Variants in EXOC4 observed in about 807,000 individuals in gnomAD.
The protein encoded by EXOC4 is exocyst complex component 4, also known as SEC8-like 1.
Under a neutral mutation model 107.2 loss-of-function variants are expected in EXOC4, and 71 were observed. The ratio of observed to expected loss-of-function variants is 0.66; its 90% CI spans 0.55 to 0.81. EXOC4 has a LOEUF of 0.81. Among genes scored for constraint, EXOC4 ranks in the 30% least tolerant of loss-of-function variants. The pLI is 0.00. For synonymous variants in EXOC4, 456 were observed against 441.2 expected, an observed-to-expected ratio of 1.03 and a Z score of -0.42; for missense variants, 1,108 against 1,189.6, an observed-to-expected ratio of 0.93 and a Z score of 1.01.
chr7:134,008,819 C>T (rs1481596178), intron 17 of EXOC4, among the ~76,000 whole-genome samples: 1 of 151,740 alleles, frequency 6.6e-6, no homozygotes, highest in East Asian at 1.9e-4. Flanking sequence ...TTTATAGAGA[C>T]AGGGTCTCAC....
intron 7 of EXOC4, among the ~76,000 whole-genome samples, chr7:133,419,609 G>A (rs1797556024): frequency 2.0e-5 from 3 of 152,122 alleles, no homozygotes; most frequent in South Asian, 2.1e-4. Context: ...TGGTTTTTGT[G>A]TTTTAAGGGG....
intron 14 of EXOC4, among the ~76,000 whole-genome samples, chr7:133,939,342 A>G (rs757611622): frequency 3.9e-5 from 6 of 152,094 alleles, no homozygotes; most frequent in Non-Finnish European, 7.3e-5. Flanking sequence ...CTAAGAGTCT[A>G]AGGAACCCCT....
chr7:133,520,842 A>G (rs1182663534), intron 9 of EXOC4, among the ~76,000 whole-genome samples: 2 of 151,970 alleles, frequency 1.3e-5, no homozygotes, highest in Non-Finnish European at 2.9e-5. Flanking sequence ...TCAGTAAAAG[A>G]GTGAAGTTTT....
At chr7:133,751,011 G>A (rs1299016564) in intron 10 of EXOC4, among the ~76,000 whole-genome samples, 1 of 152,222 alleles carries the variant, frequency 6.6e-6, no homozygotes, top group Non-Finnish European at 1.5e-5. Context: ...GTGTTAGTGT[G>A]GAGAAGGACC....
intron 9 of EXOC4, among the ~76,000 whole-genome samples, chr7:133,563,368 A>C (rs561855589): frequency 6.6e-6 from 1 of 152,338 alleles, no homozygotes; most frequent in African/African-American, 2.4e-5. Flanking sequence ...TAAAGCATTG[A>C]CTTTAATTGC....
intron 17 of EXOC4, among the ~76,000 whole-genome samples, chr7:134,031,522 A>G (rs1233960279): frequency 6.6e-6 from 1 of 152,118 alleles, no homozygotes; most frequent in Non-Finnish European, 1.5e-5. Flanking sequence ...TGTTATTAAG[A>G]GTTGATTGTG....
chr7:133,989,100 A>G (rs1364639520), intron 14 of EXOC4, among the ~76,000 whole-genome samples: 2 of 152,210 alleles, frequency 1.3e-5, no homozygotes, highest in African/African-American at 4.8e-5. Context: ...AGTAGATAAC[A>G]GAAAAGAAAA....
chr7:133,475,811 C>T (rs1798997216), intron 8 of EXOC4, among the ~76,000 whole-genome samples: 1 of 152,072 alleles, frequency 6.6e-6, no homozygotes, highest in Admixed American at 6.5e-5. Context: ...CTTGAAAAGG[C>T]CCCAAGAGCC....
intron 11 of EXOC4, among the ~76,000 whole-genome samples, chr7:133,826,932 C>T (rs1438409118): frequency 2.0e-5 from 3 of 152,126 alleles, no homozygotes. Flanking sequence ...ATAACCAAAC[C>T]TGGTCATTTT....
chr7:134,022,285 G>A (rs542569695), intron 17 of EXOC4, among the ~76,000 whole-genome samples: 1 of 152,196 alleles, frequency 6.6e-6, no homozygotes, highest in Admixed American at 6.5e-5. Flanking sequence ...AGTTCTCCAG[G>A]GATATAGGTA....
intron 9 of EXOC4, among the ~76,000 whole-genome samples, chr7:133,535,982 T>A (rs1800262774): frequency 6.6e-6 from 1 of 152,236 alleles, no homozygotes; most frequent in Admixed American, 6.5e-5. Context: ...AAACTTTGCT[T>A]CTATTCTGAG....
rs537470766 is a variant in EXOC4 at position 133,635,548 on chromosome 7, C to CT, written c.1514+5414dup. Reference sequence around the variant, plus strand: ...TATCATTCAGAAAATACTCTAATGCCTTTTTTTCTTCCTGGACCAATAAGG... The same window carrying CT: ...TATCATTCAGAAAATACTCTAATGCCTTTTTTTTCTTCCTGGACCAATAAGG... On this transcript the variant is annotated intron_variant, in intron 10 of 17. Transcript: ENST00000253861. 4.5e-3 allele frequency among the ~76,000 whole-genome samples: 683 copies of CT among 152,222 alleles called. 4 individuals carry two copies. The highest frequency in any genetic ancestry group is 9.7e-3 in the Admixed American group (148 of 15,294).
At chr7:133,336,154 T>C (rs1795506626) in intron 5 of EXOC4, among the ~76,000 whole-genome samples, 1 of 152,254 alleles carries the variant, frequency 6.6e-6, no homozygotes, top group Non-Finnish European at 1.5e-5. Flanking sequence ...CTTTTAGCTC[T>C]GTTGACTATG....
At chr7:133,596,184 T>A (rs904909982) in intron 9 of EXOC4, among the ~76,000 whole-genome samples, 1 of 152,238 alleles carries the variant, frequency 6.6e-6, no homozygotes, top group Non-Finnish European at 1.5e-5. Flanking sequence ...ATTTCTTTGT[T>A]GCTATTTAGT....
At chr7:133,854,408 GCACACACACA>G (rs56849407) in intron 11 of EXOC4, among the ~76,000 whole-genome samples, 141 of 139,570 alleles carry the variant, frequency 1.0e-3, no homozygotes, top group African/African-American at 3.0e-3. Context: ...TGTTGAAAGA[GCACACACACA>G]CACACACACA....
chr7:133,702,751 G>A (rs145888507), intron 10 of EXOC4, among the ~76,000 whole-genome samples: 15 of 152,228 alleles, frequency 9.9e-5, no homozygotes, highest in Admixed American at 2.6e-4. Flanking sequence ...AGAGTCATCC[G>A]TGGCTCCATA....
chr7:133,710,651 C>T (rs1359684581), intron 10 of EXOC4, among the ~76,000 whole-genome samples: 3 of 136,678 alleles, frequency 2.2e-5, no homozygotes, highest in African/African-American at 5.6e-5. Flanking sequence ...CAGAGTGAGA[C>T]TCTGTCTCAG....
chr7:133,848,637 A>C (rs1359429228), intron 11 of EXOC4, among the ~76,000 whole-genome samples: 5 of 152,144 alleles, frequency 3.3e-5, no homozygotes. Context: ...TTCCCCCTCT[A>C]CCTGAAATAT....
intron 10 of EXOC4, among the ~76,000 whole-genome samples, chr7:133,758,077 T>C (rs1045451518): frequency 2.6e-5 from 4 of 152,154 alleles, no homozygotes; most frequent in Non-Finnish European, 4.4e-5. Context: ...TTGGGATTAT[T>C]AGTAAGTGTG....
Sources: allele counts gnomAD v4.1 joint callset (sites outside exome capture counted in the v4.1 genomes callset), GRCh38; gene constraint gnomAD v4.1.1; transcripts MANE v1.5; gene names NCBI Gene and HGNC (gene_info 2026-07-23, HGNC 2026-07-21).